Variants in CENPT observed in about 807,000 individuals in gnomAD.
The protein encoded by CENPT is centromere protein T, also known as interphase centromere complex protein 22.
CENPT carries 42 observed loss-of-function variants against 59.7 expected under a neutral mutation model. The ratio of observed to expected loss-of-function variants is 0.70; its 90% CI spans 0.55 to 0.91. The LOEUF is 0.91. Ranked by LOEUF, CENPT falls within the 40% of genes least tolerant of loss-of-function variation. The probability of loss-of-function intolerance (pLI) is 0.00; values close to 1 mark genes in which losing one functional copy is unlikely to be tolerated. For synonymous variants in CENPT, 295 were observed against 289.6 expected (o/e 1.02, Z -0.19); for missense variants, 716 against 713.4 (o/e 1.00, Z -0.04).
chr16:67,847,628 T>C lies in CENPT; in HGVS notation c.-719A>G, dbSNP rs1247883329. On this transcript the variant is annotated 5_prime_UTR_variant, in exon 1 of 16. Transcript: ENST00000562787. The stretch of plus-strand genomic sequence containing the variant: ...TGGAGTTCTCGCAGGGAGGGCAGGG[T>C]CAGGGAATATGAGGCGGGAGGGGAT... 1.3e-5 allele frequency: 2 copies of C among 152,360 alleles called. No homozygotes were observed. Among genetic ancestry groups the C allele is most frequent in the African/African-American group, 4.8e-5 (2 of 41,452 alleles). The allele number at this position is 152,360 out of a possible 1,614,324, so 9.4% of individuals were successfully genotyped here.
Position 67,842,848 on chromosome 16 carries a change from G to A in CENPT, c.-492+4553C>T. On this transcript the variant is annotated intron_variant, in intron 1 of 15. Transcript: ENST00000562787. This position sits in a 1 kb window ranked among gnomAD's most constrained non-coding sequence, Gnocchi z 4.9. ...TAGCGCGCAGACCCGCTGGGGCCGC[G>A]GCCGCCCGCCGCAGGCAGCAGCAGC... 1 of 1,605,310 alleles carries A rather than the reference G, an allele frequency of 6.2e-7. No homozygotes were observed. The highest frequency in any genetic ancestry group is 8.5e-7 in the Non-Finnish European group (1 of 1,178,658).
intron 1 of CENPT, chr16:67,844,111 A>AT (rs1371043898): frequency 6.0e-6 from 1 of 166,970 alleles, no homozygotes; most frequent in Non-Finnish European, 1.5e-5. Flanking sequence ...CTGGTTACAA[A>AT]TTCTATTTTC....
intron 1 of CENPT, chr16:67,846,707 G>A (rs960188378): frequency 1.3e-5 from 2 of 152,432 alleles, no homozygotes; most frequent in African/African-American, 4.8e-5. Flanking sequence ...TGTTCCAGAG[G>A]CTTCCGCTAG....
At chr16:67,846,591 C>G (rs1432345722) in intron 1 of CENPT, 1 of 152,364 alleles carries the variant, frequency 6.6e-6, no homozygotes, top group Non-Finnish European at 1.5e-5. Flanking sequence ...TGGGCTCCCA[C>G]GGAGGCGGGG....
chr16:67,831,116 C>T (rs1161198928), intron 10 of CENPT, 100 bp downstream of exon 10: 3 of 1,518,294 alleles, frequency 2.0e-6, no homozygotes, highest in Admixed American at 3.4e-5. Context: ...CTGTCCTTGA[C>T]CCCACCGAGA....
At position 67,831,850 on chromosome 16, in the gene CENPT, G is replaced by C; in HGVS notation, c.427C>G (p.Leu143Val). Residue 143 changes from leucine (L) to valine (V), a missense_variant, in exon 8 of 16, where the codon CTG becomes GTG. By Grantham distance (32) the Leu-to-Val change is conservative. Transcript: ENST00000562787. ...QLPELEPPTT[L>V]APGLLAPGRR... Reference sequence around the variant, plus strand: ...CCAGGGGCCAGCAGACCTGGAGCCAGGGTTGTGGGGGGCTCGAGCTCAGGA... The same window carrying C: ...CCAGGGGCCAGCAGACCTGGAGCCACGGTTGTGGGGGGCTCGAGCTCAGGA... The C allele has an allele frequency of 6.2e-7, 1 of 1,611,214 alleles. No individual in the cohort carries two copies. The highest frequency in any genetic ancestry group is 1.1e-5 in the South Asian group (1 of 90,698).
intron 11 of CENPT, 115 bp downstream of exon 11, chr16:67,830,275 G>T: frequency 7.4e-7 from 1 of 1,351,538 alleles, no homozygotes; most frequent in South Asian, 1.3e-5. Flanking sequence ...GATGAAGGAG[G>T]CAGCCACAGC....
chr16:67,833,144 C>T (rs1400603811), intron 4 of CENPT, among the ~76,000 whole-genome samples: 1 of 152,210 alleles, frequency 6.6e-6, no homozygotes, highest in African/African-American at 2.4e-5. Context: ...TCACCACAGC[C>T]CTCACCCACT....
At position 67,843,859 on chromosome 16, in the gene CENPT, TG is replaced by T. The variant is rs1198107368; in HGVS notation, c.-492+3541del. 3.0e-5 allele frequency: 7 copies of T among 231,398 alleles called. No individual in the cohort carries two copies. The Admixed American group carries it at 3.6e-4, about 12-fold the overall frequency. 14.3% of individuals were successfully genotyped at this position (231,398 alleles called of 1,614,324 possible). On this transcript the variant is annotated intron_variant, in intron 1 of 15. Transcript: ENST00000562787. The surrounding 1 kb of genome is among the most constrained non-coding windows in gnomAD (Gnocchi z 5.7). Reference sequence around the variant, plus strand: ...GTTTGGGAAAACCATACCTTAAGGTTGGTCAGCAGTCAGACAACTCTAATGT... The same window carrying T: ...GTTTGGGAAAACCATACCTTAAGGTTGTCAGCAGTCAGACAACTCTAATGT...
chr16:67,834,007 G>A lies in CENPT; in HGVS notation c.-148C>T, dbSNP rs896991799. ...TATCGCAGCTCGCGGGGTGGACAGTGATGGTTGCAAACTCCGGATGCTTTG... is the reference window on the plus strand; with the variant it reads ...TATCGCAGCTCGCGGGGTGGACAGTAATGGTTGCAAACTCCGGATGCTTTG... On this transcript the variant is annotated 5_prime_UTR_variant, in exon 4 of 16. Transcript: ENST00000562787. The A allele has an allele frequency of 5.7e-5, 31 of 544,762 alleles. No individual in the cohort carries two copies. The Admixed American group carries it at 1.2e-3, about 21-fold the overall frequency. 33.7% of individuals were successfully genotyped at this position (544,762 alleles called of 1,614,324 possible). A position where few individuals can be genotyped will look rare whatever the true frequency, so the allele number is the denominator to read the frequency against.
At chr16:67,841,375 C>T (rs1299235096) in intron 1 of CENPT, among the ~76,000 whole-genome samples, 1 of 152,100 alleles carries the variant, frequency 6.6e-6, no homozygotes, top group Non-Finnish European at 1.5e-5. Flanking sequence ...TTGGCCCTAC[C>T]CGGGCCACCC....
In CENPT at chr16:67,832,453, A is replaced by AC. The variant is rs765013121; in HGVS notation, c.201+1dup. 1 of 1,613,996 alleles carries AC rather than the reference A, an allele frequency of 6.2e-7. No homozygotes were observed. The highest frequency in any genetic ancestry group is 1.7e-5 in the Admixed American group (1 of 60,008). ...TTTGGGGTCAGTGGGCTGGGTACTTACCCTGGCTCCATGGGAACGCCCTCT... is the reference window on the plus strand; with the variant it reads ...TTTGGGGTCAGTGGGCTGGGTACTTACCCCTGGCTCCATGGGAACGCCCTCT... On this transcript the variant is annotated splice_donor_variant, in intron 5 of 15. Coordinates refer to ENST00000562787, the MANE Select transcript of CENPT (RefSeq NM_025082.4). LOFTEE classifies it high-confidence loss of function.
chr16:67,838,648 C>T (rs1000285688), intron 1 of CENPT, among the ~76,000 whole-genome samples: 17 of 151,476 alleles, frequency 1.1e-4, no homozygotes, highest in African/African-American at 4.1e-4. Flanking sequence ...AAAAAAATGG[C>T]CAGGCGCGGT....
intron 13 of CENPT, 31 bp downstream of exon 13, chr16:67,829,392 G>A (rs1389485095): frequency 2.0e-6 from 3 of 1,530,468 alleles, no homozygotes. Flanking sequence ...TTCCCAAGAG[G>A]CCCATGAGGA....
chr16:67,837,681 C>T (rs1426245658), intron 1 of CENPT, among the ~76,000 whole-genome samples: 1 of 152,110 alleles, frequency 6.6e-6, no homozygotes, highest in East Asian at 1.9e-4. Flanking sequence ...GCCTGGGCGA[C>T]AGAGTGAGAC....
At position 67,835,670 on chromosome 16, in the gene CENPT, A is replaced by G. The variant is rs1175591913; in HGVS notation, c.-491-12T>C. 4 of 152,160 alleles carry G rather than the reference A, an allele frequency of 2.6e-5. No homozygotes were observed. The highest frequency in any genetic ancestry group is 9.7e-5 in the African/African-American group (4 of 41,428). 9.4% of individuals were successfully genotyped at this position (152,160 alleles called of 1,614,324 possible). A position where few individuals can be genotyped will look rare whatever the true frequency, so the allele number is the denominator to read the frequency against. On this transcript the variant is annotated splice_polypyrimidine_tract_variant and intron_variant, in intron 1 of 15. Coordinates refer to ENST00000562787, the MANE Select transcript of CENPT (RefSeq NM_025082.4). ...AAGCAAGACTCCATCTCGGAAAAAA[A>G]AAATTAAGCAAAAAATTAGATTCTT...
chr16:67,830,231 GAA>G, intron 11 of CENPT, 143 bp from the exon 12 acceptor site: 2 of 1,218,704 alleles, frequency 1.6e-6, no homozygotes, highest in Non-Finnish European at 2.3e-6. Flanking sequence ...ACATGGATCT[GAA>G]GTCTCCTGGC....
At chr16:67,832,686 G>A (rs904843107) in intron 4 of CENPT, 141 bp from the exon 5 acceptor site, 5 of 669,486 alleles carry the variant, frequency 7.5e-6, no homozygotes, top group Non-Finnish European at 1.3e-5. Flanking sequence ...CCCTACCATC[G>A]CCCCTGTTCC....
At chr16:67,835,738 T>C (rs2057731371) in intron 1 of CENPT, 80 bp from the exon 2 acceptor site, 1 of 152,128 alleles carries the variant, frequency 6.6e-6, no homozygotes, top group Non-Finnish European at 1.5e-5. Flanking sequence ...GCTATCGATA[T>C]TCCTTGTCAT....
Sources: gnomAD v4.1 joint callset for allele counts (sites outside exome capture counted in the v4.1 genomes callset) on GRCh38, gnomAD v4.1.1 for gene constraint, Gnocchi (gnomAD v3.1) non-coding constraint, MANE v1.5 for transcripts, NCBI Gene and HGNC (gene_info 2026-07-23, HGNC 2026-07-21) for gene names.